The following KIAA0319 variants were observed in gnomAD, a reference collection of about 807,000 sequenced individuals.
KIAA0319 encodes the protein KIAA0319.
Under a neutral mutation model 108.4 loss-of-function variants are expected in KIAA0319, and 83 were observed. That is an observed-to-expected ratio of 0.77 (90% confidence interval 0.64 to 0.92). KIAA0319 has a LOEUF of 0.92. Among genes scored for constraint, KIAA0319 ranks in the 40% least tolerant of loss-of-function variants. KIAA0319 has a pLI of 0.00. For missense variants in KIAA0319, 1,195 were observed against 1,322.4 expected (o/e 0.90, Z 1.49); for synonymous variants, 484 against 510.4 (o/e 0.95, Z 0.70).
intron 3 of KIAA0319, among the ~76,000 whole-genome samples, chr6:24,592,886 T>C (rs1768734482): frequency 6.6e-6 from 1 of 152,116 alleles, no homozygotes. Flanking sequence ...TTGGGAGGAC[T>C]GCCTGAGCCC....
intron 1 of KIAA0319, among the ~76,000 whole-genome samples, chr6:24,637,140 GA>G (rs1776306023): frequency 6.6e-6 from 1 of 152,236 alleles, no homozygotes; most frequent in Non-Finnish European, 1.5e-5. Flanking sequence ...TGGCTACCAA[GA>G]GGTGGCAGTG....
At chr6:24,616,693 T>C (rs138012147) in intron 1 of KIAA0319, among the ~76,000 whole-genome samples, 150 of 152,344 alleles carry the variant, frequency 9.8e-4, no homozygotes, top group African/African-American at 3.1e-3. Context: ...CCCATATGAA[T>C]GCAGTATAGA....
intron 5 of KIAA0319, 67 bp from the exon 6 acceptor site, chr6:24,582,413 G>A (rs1766712326): frequency 1.1e-6 from 1 of 924,916 alleles, no homozygotes. Flanking sequence ...CTGGGCAGAG[G>A]GAAGATGACA....
At chr6:24,631,606 A>T (rs1775591835) in intron 1 of KIAA0319, among the ~76,000 whole-genome samples, 1 of 152,310 alleles carries the variant, frequency 6.6e-6, no homozygotes, top group Admixed American at 6.5e-5. Context: ...TAGGAAAAAC[A>T]ATTTTAGAAG....
intron 1 of KIAA0319, among the ~76,000 whole-genome samples, chr6:24,623,391 A>T (rs1774243860): frequency 1.3e-5 from 2 of 152,172 alleles, no homozygotes; most frequent in African/African-American, 4.8e-5. Flanking sequence ...TAATAGAACA[A>T]AATTTCCTTT....
chr6:24,643,334 C>G (rs1255320383), intron 1 of KIAA0319, among the ~76,000 whole-genome samples: 1 of 152,148 alleles, frequency 6.6e-6, no homozygotes, highest in Non-Finnish European at 1.5e-5. Context: ...ATAACCTACA[C>G]TATTCGGGTA....
At chr6:24,540,220 AC>A (rs1242225060), downstream of KIAA0319, among the ~76,000 whole-genome samples, 3 of 81,582 alleles carry the variant, frequency 3.7e-5, no homozygotes, top group African/African-American at 1.4e-4. Flanking sequence ...TAGCATAGTC[AC>A]TTATTATATA....
Position 24,574,830 on chromosome 6 carries a change from A to C in KIAA0319, c.1734+1538T>G, listed in dbSNP as rs1007985746. On this transcript the variant is annotated intron_variant, in intron 10 of 20. Coordinates refer to ENST00000378214, the MANE Select transcript of KIAA0319 (RefSeq NM_014809.4). Reference sequence around the variant, plus strand: ...AAAAATACTTTCCCCTACTTTGACTAAGTAAGGCAAAGCACGTTTCTCTGA... The same window carrying C: ...AAAAATACTTTCCCCTACTTTGACTCAGTAAGGCAAAGCACGTTTCTCTGA... Among the ~76,000 whole-genome samples, 7 of 152,232 alleles carry C rather than the reference A, an allele frequency of 4.6e-5. No homozygotes were observed. The East Asian group carries it at 1.2e-3, about 25-fold the overall frequency.
At position 24,554,524 on chromosome 6, in the gene KIAA0319, A is replaced by G; in HGVS notation, c.2948+17T>C. ...AGTGTAGGGTCTCTATTTCCCAGGA[A>G]TAAGCACTCTAGGTACCTTTTGCAG... On this transcript the variant is annotated intron_variant, in intron 19 of 20. Coordinates refer to ENST00000378214, the MANE Select transcript of KIAA0319 (RefSeq NM_014809.4). The G allele has an allele frequency of 6.3e-7, 1 of 1,585,270 alleles. No individual in the cohort carries two copies.
In KIAA0319 at chr6:24,590,601, T is replaced by TG. The variant is rs377312780; in HGVS notation, c.802-1817_802-1816insC. ...TGCAAATCCCATAGGATGAATTGAATTTTTTTTTAATCAAGTCCTGAAAAA... is the reference window on the plus strand; with the variant it reads ...TGCAAATCCCATAGGATGAATTGAATGTTTTTTTTAATCAAGTCCTGAAAAA... On this transcript the variant is annotated intron_variant, in intron 3 of 20. Transcript: ENST00000378214. Among the ~76,000 whole-genome samples, 1,051 of 151,774 alleles carry TG rather than the reference T, an allele frequency of 6.9e-3. 8 individuals carry two copies. Among genetic ancestry groups the TG allele is most frequent in the South Asian group, 0.033 (158 of 4,790 alleles).
At chr6:24,613,283 T>C (rs1010110583) in intron 1 of KIAA0319, among the ~76,000 whole-genome samples, 3 of 151,940 alleles carry the variant, frequency 2.0e-5, no homozygotes, top group African/African-American at 7.3e-5. Flanking sequence ...GGGTGGAGGA[T>C]GAACAGGGTG....
intron 1 of KIAA0319, among the ~76,000 whole-genome samples, chr6:24,641,881 A>T (rs1776936783): frequency 6.6e-6 from 1 of 151,302 alleles, no homozygotes; most frequent in Non-Finnish European, 1.5e-5. Flanking sequence ...AAACTATAAC[A>T]ATTAGTTGGG....
chr6:24,599,541 G>A lies in KIAA0319; in HGVS notation c.55+1508C>T, dbSNP rs1770294073. ...TGTCACCTACAGGAAGGTGCTGGAG[G>A]GCGAGGAGAGCTGGCTGGAGTCTGG... On this transcript the variant is annotated intron_variant, in intron 2 of 20. Coordinates refer to ENST00000378214, the MANE Select transcript of KIAA0319 (RefSeq NM_014809.4). The surrounding 1 kb of genome is among the most constrained non-coding windows in gnomAD (Gnocchi z 4.1). The A allele has an allele frequency of 5.6e-5, 32 of 572,792 alleles. No individual in the cohort carries two copies. The highest frequency in any genetic ancestry group is 4.8e-4 in the South Asian group (32 of 67,102). 35.5% of individuals were successfully genotyped at this position (572,792 alleles called of 1,614,324 possible).
At chr6:24,571,078 G>C (rs1332756802) in intron 11 of KIAA0319, among the ~76,000 whole-genome samples, 3 of 151,756 alleles carry the variant, frequency 2.0e-5, no homozygotes, top group Admixed American at 1.3e-4. Context: ...TGTAATCCCA[G>C]CTATTCAGGA....
In KIAA0319 at chr6:24,576,393, C is replaced by T; in HGVS notation, c.1709G>A (p.Ser570Asn). 1.2e-6 allele frequency: 2 copies of T among 1,614,116 alleles called. No individual in the cohort carries two copies. The highest frequency in any genetic ancestry group is 1.7e-6 in the Non-Finnish European group (2 of 1,179,984). ...CTGCATGACCACATGTTTGCCCTCA[C>T]TCCCAGGACCCAGGGACCACTCATA... The part of the protein sequence containing the change: ...VLYEWSLGPG[S>N]EGKHVVMQGV... The change falls in exon 10 of 21, where the codon AGT becomes AAT. Residue 570 changes from serine to asparagine, a missense_variant. Ser to Asn is a conservative substitution (Grantham distance 46). Coordinates refer to ENST00000378214, the MANE Select transcript of KIAA0319 (RefSeq NM_014809.4).
At chr6:24,643,495 T>C (rs557296110) in intron 1 of KIAA0319, among the ~76,000 whole-genome samples, 1 of 152,276 alleles carries the variant, frequency 6.6e-6, no homozygotes, top group South Asian at 2.1e-4. Context: ...GCAAAGCTCC[T>C]TCCTTGGGGG....
rs1374073980 is a variant in KIAA0319, at chr6:24,566,628, C to G, written c.2261G>C (p.Trp754Ser). The G allele has an allele frequency of 6.2e-7, 1 of 1,612,230 alleles. No homozygotes were observed. Among genetic ancestry groups the G allele is most frequent in the African/African-American group, 1.3e-5 (1 of 74,848 alleles). Reference protein sequence around the residue: ...TDDQRIVSYLWIRDGQSPAAG... With the variant: ...TDDQRIVSYLSIRDGQSPAAG... Reference sequence around the variant, plus strand: ...TGCTGGACTCTGGCCATCCCGGATCCACAGATAGGACACAATTCTTTGGTC... The same window carrying G: ...TGCTGGACTCTGGCCATCCCGGATCGACAGATAGGACACAATTCTTTGGTC... The change falls in exon 14 of 21, where the codon TGG becomes TCG. Residue 754 changes from tryptophan (W) to serine (S), a missense_variant. Transcript: ENST00000378214.
chr6:24,549,069 C>A (rs1274123650), intron 20 of KIAA0319, among the ~76,000 whole-genome samples: 1 of 151,182 alleles, frequency 6.6e-6, no homozygotes, highest in Non-Finnish European at 1.5e-5. Context: ...CACCTGTAAT[C>A]TCAGCACTTT....
intron 1 of KIAA0319, among the ~76,000 whole-genome samples, chr6:24,628,553 G>T (rs1431814343): frequency 6.6e-6 from 1 of 151,318 alleles, no homozygotes; most frequent in Non-Finnish European, 1.5e-5. Context: ...TACAACCCTT[G>T]CATTTACCAT....
Sources: allele counts gnomAD v4.1 joint callset (sites outside exome capture counted in the v4.1 genomes callset), GRCh38; gene constraint gnomAD v4.1.1; non-coding constraint Gnocchi (gnomAD v3.1); transcripts MANE v1.5; gene names NCBI Gene and HGNC (gene_info 2026-07-23, HGNC 2026-07-21).